Variants in SLC14A2 observed in about 807,000 individuals in gnomAD.
SLC14A2 encodes the protein solute carrier family 14 member 2, also known as urea transporter 2.
Under a neutral mutation model 104.6 loss-of-function variants are expected in SLC14A2, and 91 were observed. The observed-to-expected ratio is 0.87, with a 90% CI of 0.73 to 1.04. The LOEUF is 1.04. Among genes scored for constraint, SLC14A2 ranks in the 50% least tolerant of loss-of-function variants. The pLI is 0.00. For missense variants in SLC14A2, 1,189 were observed against 1,156.0 expected (o/e 1.03, Z -0.41); for synonymous variants, 476 against 466.4 (o/e 1.02, Z -0.27).
chr18:45,326,772 A>G (rs983479521), intron 1 of SLC14A2, among the ~76,000 whole-genome samples: 12 of 152,208 alleles, frequency 7.9e-5, no homozygotes, highest in African/African-American at 2.9e-4. Flanking sequence ...GACTTAGGGC[A>G]GGCTCTACAA....
chr18:45,480,127 A>G (rs1384898585), intron 1 of SLC14A2, among the ~76,000 whole-genome samples: 1 of 152,172 alleles, frequency 6.6e-6, no homozygotes, highest in Non-Finnish European at 1.5e-5. Flanking sequence ...TATGTCTCAG[A>G]CTATTCTTAT....
chr18:45,269,340 G>T (rs763136572), intron 1 of SLC14A2, among the ~76,000 whole-genome samples: 1 of 152,070 alleles, frequency 6.6e-6, no homozygotes, highest in African/African-American at 2.4e-5. Flanking sequence ...GCTGTCATTT[G>T]TACATTACTG....
chr18:45,176,039 A>C, the SLC14A2 span, among the ~76,000 whole-genome samples: 1 of 152,168 alleles, frequency 6.6e-6, no homozygotes, highest in Admixed American at 6.6e-5. Flanking sequence ...ATATCCTTGC[A>C]ACCAGGTAAA....
At chr18:45,512,032 G>A (rs1368660917) in intron 2 of SLC14A2, among the ~76,000 whole-genome samples, 1 of 152,184 alleles carries the variant, frequency 6.6e-6, no homozygotes, top group African/African-American at 2.4e-5. Context: ...AAGGAACCTA[G>A]GCAGAGCCCA....
Position 45,663,855 on chromosome 18 carries a change from G to A in SLC14A2, c.1422G>A (p.Lys474=), listed in dbSNP as rs1567999828. 6.2e-7 allele frequency: 1 copy of A among 1,613,518 alleles called. No individual in the cohort carries two copies. Among genetic ancestry groups the A allele is most frequent in the Non-Finnish European group, 8.5e-7 (1 of 1,179,902 alleles). ...AGGGCTCGGAGGCTGTGCTCTCCAA[G>A]CACAGGAGTGTATTTCACATCGAGT... ...VEEGSEAVLS[K]HRSVFHIEWS... Residue 474 remains lysine (K), a synonymous_variant, in exon 11 of 20, where the codon AAG becomes AAA. Transcript: ENST00000255226.
chr18:45,333,413 T>C (rs2085308748), intron 1 of SLC14A2, among the ~76,000 whole-genome samples: 1 of 152,204 alleles, frequency 6.6e-6, no homozygotes, highest in South Asian at 2.1e-4. Flanking sequence ...GTAGGAGCTA[T>C]CTAACAGAAA....
At chr18:45,292,063 A>AT (rs2084875339) in intron 1 of SLC14A2, among the ~76,000 whole-genome samples, 1 of 152,108 alleles carries the variant, frequency 6.6e-6, no homozygotes, top group South Asian at 2.1e-4. Context: ...GTATTAGAGC[A>AT]TTTTTTTCCT....
chr18:45,266,398 T>G (rs1005539489), intron 1 of SLC14A2, among the ~76,000 whole-genome samples: 1 of 152,164 alleles, frequency 6.6e-6, no homozygotes, highest in Non-Finnish European at 1.5e-5. Flanking sequence ...GGCCATGTCA[T>G]GCTAACTGTA....
chr18:45,448,303 G>A (rs1174170010), intron 1 of SLC14A2, among the ~76,000 whole-genome samples: 2 of 152,214 alleles, frequency 1.3e-5, no homozygotes, highest in African/African-American at 4.8e-5. Flanking sequence ...CTGAAAGGCT[G>A]CTGAAAGCAT....
chr18:45,183,906 A>ATTTTTTTTTTTTTTTTTT, the SLC14A2 span, among the ~76,000 whole-genome samples: 21 of 62,698 alleles, frequency 3.3e-4, 1 homozygote, highest in Non-Finnish European at 5.1e-4. Flanking sequence ...TAATTTTCTA[A>ATTTTTTTTTTTTTTTTTT]TTTTTTTTTT....
intron 2 of SLC14A2, among the ~76,000 whole-genome samples, chr18:45,565,671 G>T (rs1256658162): frequency 6.6e-6 from 1 of 152,200 alleles, no homozygotes; most frequent in African/African-American, 2.4e-5. Context: ...GACAGCATTT[G>T]CAGGATGTTC....
chr18:45,504,767 C>A (rs763035454), intron 2 of SLC14A2, among the ~76,000 whole-genome samples: 13 of 152,242 alleles, frequency 8.5e-5, no homozygotes, highest in South Asian at 2.1e-4. Context: ...TCTTCCCCTG[C>A]AGAAACACAA....
chr18:45,359,472 G>A (rs1193258681), intron 1 of SLC14A2, among the ~76,000 whole-genome samples: 1 of 152,136 alleles, frequency 6.6e-6, no homozygotes, highest in African/African-American at 2.4e-5. Context: ...GGCCTCCCCG[G>A]ACAGGCCCAG....
intron 4 of SLC14A2, among the ~76,000 whole-genome samples, chr18:45,627,634 G>A (rs2045280634): frequency 2.0e-5 from 3 of 152,178 alleles, no homozygotes; most frequent in African/African-American, 7.2e-5. Flanking sequence ...TGAGGAAGGG[G>A]AGCAAACAGG....
intron 1 of SLC14A2, among the ~76,000 whole-genome samples, chr18:45,292,336 G>C (rs1463411251): frequency 6.6e-6 from 1 of 152,130 alleles, no homozygotes; most frequent in Non-Finnish European, 1.5e-5. Flanking sequence ...AACTAAGTAG[G>C]TGCAATACTT....
intron 10 of SLC14A2, 62 bp downstream of exon 10, chr18:45,644,222 T>C: frequency 1.9e-6 from 3 of 1,547,636 alleles, no homozygotes; most frequent in Non-Finnish European, 2.7e-6. Flanking sequence ...CTCCCTGTGT[T>C]CTCTGCTCTG....
chr18:45,561,493 G>A (rs1369158088), intron 2 of SLC14A2, among the ~76,000 whole-genome samples: 2 of 152,208 alleles, frequency 1.3e-5, no homozygotes, highest in African/African-American at 4.8e-5. Context: ...GGGAAAGGGT[G>A]TCCAGTCTTA....
At chr18:45,389,914 G>A (rs576736758) in intron 1 of SLC14A2, among the ~76,000 whole-genome samples, 15 of 152,298 alleles carry the variant, frequency 9.8e-5, no homozygotes, top group East Asian at 1.9e-4. Context: ...ACTGTAGCAC[G>A]TAAAAGTCCC....
chr18:45,212,956 C>G (rs2083974231), upstream of SLC14A2: 1 of 152,468 alleles, frequency 6.6e-6, no homozygotes, highest in East Asian at 1.9e-4. Flanking sequence ...ATAGTGCCTC[C>G]TTAGGCTGGC....
Sources: gnomAD v4.1 joint callset for allele counts (sites outside exome capture counted in the v4.1 genomes callset) on GRCh38, gnomAD v4.1.1 for gene constraint, MANE v1.5 for transcripts, NCBI Gene and HGNC (gene_info 2026-07-23, HGNC 2026-07-21) for gene names.